ADAM28: variants seen among roughly 807,000 people sequenced by gnomAD.
The protein encoded by ADAM28 is ADAM metallopeptidase domain 28, also known as disintegrin and metalloproteinase domain-containing protein 28.
Under a neutral mutation model 101.2 loss-of-function variants are expected in ADAM28, and 105 were observed. That is an observed-to-expected ratio of 1.04 (90% CI 0.89 to 1.22). ADAM28 has a LOEUF of 1.22. Ranked by LOEUF, ADAM28 falls within the 50% of genes most tolerant of loss-of-function variation. ADAM28 has a pLI of 0.00. For missense variants in ADAM28, 1,028 were observed against 945.4 expected, an observed-to-expected ratio of 1.09 and a Z score of -1.15; for synonymous variants, 322 against 310.6, an observed-to-expected ratio of 1.04 and a Z score of -0.39.
intron 9 of ADAM28, 62 bp from the exon 10 acceptor site, chr8:24,326,492 T>C: frequency 1.2e-5 from 18 of 1,472,666 alleles, no homozygotes; most frequent in Non-Finnish European, 1.6e-5. Flanking sequence ...TTTGGATGTA[T>C]TGTCTATAAA....
intron 18 of ADAM28, among the ~76,000 whole-genome samples, chr8:24,345,623 T>C (rs114858257): frequency 0.019 from 2,855 of 152,114 alleles, 83 homozygotes; most frequent in African/African-American, 0.066. Flanking sequence ...AATTTGATTC[T>C]TTATACTCCT....
At chr8:24,324,673 G>A (rs550132096) in intron 9 of ADAM28, among the ~76,000 whole-genome samples, 4 of 152,052 alleles carry the variant, frequency 2.6e-5, no homozygotes, top group Admixed American at 2.6e-4. Flanking sequence ...TAACAAATGA[G>A]CTTGAATTTC....
intron 1 of ADAM28, among the ~76,000 whole-genome samples, chr8:24,297,968 G>T (rs1324876548): frequency 6.6e-6 from 1 of 152,094 alleles, no homozygotes. Flanking sequence ...CAAGAAATGA[G>T]GAACTGAAGA....
chr8:24,324,377 A>G (rs1382248031), intron 9 of ADAM28, among the ~76,000 whole-genome samples: 1 of 152,038 alleles, frequency 6.6e-6, no homozygotes, highest in Non-Finnish European at 1.5e-5. Flanking sequence ...CCACATCTTC[A>G]CTAATTTATT....
intron 2 of ADAM28, among the ~76,000 whole-genome samples, chr8:24,303,218 T>A (rs1482220252): frequency 1.3e-5 from 2 of 152,162 alleles, no homozygotes; most frequent in Non-Finnish European, 2.9e-5. Context: ...TTTTTGCCTG[T>A]GCTTATGTCC....
chr8:24,351,759 A>ATCATTTATAGCATTGGTAATCATT (rs1816177112), intron 20 of ADAM28, among the ~76,000 whole-genome samples: 4 of 150,730 alleles, frequency 2.7e-5, no homozygotes, highest in Admixed American at 6.6e-5. Flanking sequence ...AACATTGGTA[A>ATCATTTATAGCATTGGTAATCATT]TCATTTATAA....
chr8:24,337,233 T>TGGATGCGCCAGGTTAAA (rs1814212311), intron 14 of ADAM28, among the ~76,000 whole-genome samples: 1 of 152,238 alleles, frequency 6.6e-6, no homozygotes, highest in African/African-American at 2.4e-5. Context: ...CTCCACTTCG[T>TGGATGCGCCAGGTTAAA]GGATGCGCCA....
chr8:24,313,136 C>A (rs1324524500), intron 5 of ADAM28, among the ~76,000 whole-genome samples: 1 of 152,160 alleles, frequency 6.6e-6, no homozygotes, highest in African/African-American at 2.4e-5. Context: ...AGTGCCAGAA[C>A]TGATATGGTT....
chr8:24,320,218 C>G lies in ADAM28; in HGVS notation c.577-18C>G, dbSNP rs746795815. On this transcript the variant is annotated intron_variant, in intron 6 of 22. Transcript: ENST00000265769. ...AGAAAACAATATTGTATCAGTAATT[C>G]TACTCTTTATATTTCAGAAATTGAA... is the stretch of plus-strand genomic sequence containing the variant. 6.6e-7 allele frequency: 1 copy of G among 1,521,448 alleles called. No individual in the cohort carries two copies. Among genetic ancestry groups the G allele is most frequent in the Non-Finnish European group, 9.1e-7 (1 of 1,104,644 alleles). The allele number at this position is 1,521,448 out of a possible 1,614,324, so 94.2% of individuals were successfully genotyped here.
Position 24,321,238 on chromosome 8 carries a change from T to G in ADAM28, c.669T>G (p.Asn223Lys), listed in dbSNP as rs1466413233. 19 of 1,605,900 alleles carry G rather than the reference T, an allele frequency of 1.2e-5. No individual in the cohort carries two copies. In the Middle Eastern group the frequency reaches 2.3e-3, roughly 196 times the overall value. Residue 223 changes from asparagine to lysine, a missense_variant, in exon 8 of 23, where the codon AAT becomes AAG. Coordinates refer to ENST00000265769, the MANE Select transcript of ADAM28 (RefSeq NM_014265.6). ...TTTAGTTTAAAAGGTACAATGAGAA[T>G]CAAGATGAGATCAGAAAGAGGGTAT... ...DNGEFKRYNENQDEIRKRVFE... is the reference protein window; with the variant it reads ...DNGEFKRYNEKQDEIRKRVFE...
At chr8:24,306,386 T>TA (rs1809681753) in intron 2 of ADAM28, among the ~76,000 whole-genome samples, 1 of 108,966 alleles carries the variant, frequency 9.2e-6, no homozygotes, top group African/African-American at 3.6e-5. Flanking sequence ...ATATATATAT[T>TA]TAAAAATATA....
At chr8:24,319,555 C>T (rs1315713101) in intron 6 of ADAM28, among the ~76,000 whole-genome samples, 1 of 151,922 alleles carries the variant, frequency 6.6e-6, no homozygotes, top group Non-Finnish European at 1.5e-5. Flanking sequence ...TGTAATCGAA[C>T]TTTAGTTACC....
rs143945348 is a variant in ADAM28, at chr8:24,312,412, T to C, written c.383+975T>C. On this transcript the variant is annotated intron_variant, in intron 5 of 22. Coordinates refer to ENST00000265769, the MANE Select transcript of ADAM28 (RefSeq NM_014265.6). ...CCTGCATTTTCAATCCCTTACCAAG[T>C]CTTATTGATTCTATCTTCTAAACAC... 4.0e-3 allele frequency among the ~76,000 whole-genome samples: 607 copies of C among 152,186 alleles called. 1 individual carries two copies. The highest frequency in any genetic ancestry group is 6.8e-3 in the Middle Eastern group (2 of 294).
intron 14 of ADAM28, chr8:24,335,868 TG>T: frequency 2.4e-6 from 3 of 1,234,582 alleles, no homozygotes; most frequent in Non-Finnish European, 3.1e-6. Context: ...ACAAGTTTTT[TG>T]TTAATTTTTT....
chr8:24,352,710 C>G (rs910464899), intron 21 of ADAM28, among the ~76,000 whole-genome samples: 7 of 152,248 alleles, frequency 4.6e-5, no homozygotes, highest in African/African-American at 1.7e-4. Context: ...GTATGTACAA[C>G]TAAATGAAAG....
At chr8:24,352,498 G>A (rs1554523299) in intron 21 of ADAM28, among the ~76,000 whole-genome samples, 1 of 152,104 alleles carries the variant, frequency 6.6e-6, no homozygotes, top group Non-Finnish European at 1.5e-5. Flanking sequence ...TCTCTCTTGT[G>A]CTTCTTCTTA....
chr8:24,326,681 A>G, intron 10 of ADAM28, 46 bp downstream of exon 10: 1 of 1,551,554 alleles, frequency 6.4e-7, no homozygotes. Flanking sequence ...ACATTTATCA[A>G]ATGCTTTTTA....
intron 8 of ADAM28, 83 bp downstream of exon 8, chr8:24,321,372 T>C (rs889161439): frequency 1.4e-5 from 16 of 1,162,858 alleles, no homozygotes; most frequent in Admixed American, 6.8e-5. Flanking sequence ...ACATGAAGCA[T>C]GGAAGCAAAG....
At chr8:24,309,247 A>G (rs2129261256) in intron 2 of ADAM28, among the ~76,000 whole-genome samples, 1 of 152,214 alleles carries the variant, frequency 6.6e-6, no homozygotes, top group African/African-American at 2.4e-5. Flanking sequence ...TTTCTTCTTG[A>G]TGGTTCTTCC....
Sources: allele counts gnomAD v4.1 joint callset (sites outside exome capture counted in the v4.1 genomes callset), GRCh38; gene constraint gnomAD v4.1.1; transcripts MANE v1.5; gene names NCBI Gene and HGNC (gene_info 2026-07-23, HGNC 2026-07-21).